The following PTPRZ1 variants were observed in gnomAD, a reference collection of about 807,000 sequenced individuals.
PTPRZ1 encodes the protein receptor-type tyrosine-protein phosphatase zeta.
Under a neutral mutation model 214.1 loss-of-function variants are expected in PTPRZ1, and 82 were observed. That is an observed-to-expected ratio of 0.38 (90% CI 0.32 to 0.46). PTPRZ1 has a LOEUF of 0.46. Ranked by LOEUF, PTPRZ1 falls within the 20% of genes least tolerant of loss-of-function variation. The pLI, the probability that PTPRZ1 is intolerant of heterozygous loss-of-function variation, is 1.00. For synonymous variants in PTPRZ1, 945 were observed against 987.9 expected (o/e 0.96, Z 0.81); for missense variants, 2,603 against 2,748.7 (o/e 0.95, Z 1.19).
At chr7:122,005,896 C>T (rs1391766452) in intron 11 of PTPRZ1, among the ~76,000 whole-genome samples, 2 of 151,932 alleles carry the variant, frequency 1.3e-5, no homozygotes, top group African/African-American at 2.4e-5. Flanking sequence ...ATTCCCATTA[C>T]CATGATTCAC....
At chr7:122,001,255 A>G (rs1798313730) in intron 10 of PTPRZ1, among the ~76,000 whole-genome samples, 1 of 152,174 alleles carries the variant, frequency 6.6e-6, no homozygotes, top group Non-Finnish European at 1.5e-5. Context: ...TTAAAAAGGA[A>G]TGTATATTCT....
chr7:122,013,290 G>A lies in PTPRZ1; in HGVS notation c.4244G>A (p.Gly1415Asp). The A allele has an allele frequency of 6.2e-7, 1 of 1,611,156 alleles. No individual in the cohort carries two copies. Among genetic ancestry groups the A allele is most frequent in the Non-Finnish European group, 8.5e-7 (1 of 1,179,458 alleles). ...AAATCTGATGCCGGTTTAGTGGGTG[G>A]TGGTGAAGATGGTGACACTGATGAT... Reference protein sequence around the residue: ...SAKSDAGLVGGGEDGDTDDDG... With the variant: ...SAKSDAGLVGDGEDGDTDDDG... Residue 1415 changes from glycine to aspartate, a missense_variant, in exon 12 of 30, where the codon GGT becomes GAT. Transcript: ENST00000393386.
intron 11 of PTPRZ1, among the ~76,000 whole-genome samples, chr7:122,008,328 T>C (rs1798552873): frequency 6.6e-6 from 1 of 152,080 alleles, no homozygotes; most frequent in African/African-American, 2.4e-5. Flanking sequence ...GGTTTTCCTT[T>C]GTGTTTCCTT....
At chr7:122,022,586 T>G (rs1799050618) in intron 13 of PTPRZ1, among the ~76,000 whole-genome samples, 1 of 152,188 alleles carries the variant, frequency 6.6e-6, no homozygotes, top group African/African-American at 2.4e-5. Context: ...TGATTTGCAA[T>G]TATTTTTTCC....
chr7:121,932,144 A>G (rs994903195), intron 2 of PTPRZ1, among the ~76,000 whole-genome samples: 1 of 152,186 alleles, frequency 6.6e-6, no homozygotes, highest in Admixed American at 6.5e-5. Context: ...GAGATGACAT[A>G]ATTATTTTGT....
intron 1 of PTPRZ1, among the ~76,000 whole-genome samples, chr7:121,891,266 T>C (rs1794598469): frequency 6.6e-6 from 1 of 152,042 alleles, no homozygotes. Flanking sequence ...TCTTCCCCTC[T>C]TTATTTTTCT....
Position 121,879,684 on chromosome 7 carries a change from A to G in PTPRZ1, c.58+6127A>G, listed in dbSNP as rs186066199. ...GAATGGGACATGGGATCAGTTAAAA[A>G]TCTTCATAGGAGTCAAAAGCAGAAA... is the stretch of plus-strand genomic sequence containing the variant. On this transcript the variant is annotated intron_variant, in intron 1 of 29. Coordinates refer to ENST00000393386, the MANE Select transcript of PTPRZ1 (RefSeq NM_002851.3). 2.1e-3 allele frequency among the ~76,000 whole-genome samples: 314 copies of G among 152,268 alleles called. 2 individuals carry two copies. The highest frequency in any genetic ancestry group is 7.2e-3 in the African/African-American group (299 of 41,558).
chr7:122,026,447 A>G (rs1009458395), intron 13 of PTPRZ1, among the ~76,000 whole-genome samples: 2 of 152,222 alleles, frequency 1.3e-5, no homozygotes, highest in African/African-American at 4.8e-5. Context: ...TCAATATGTC[A>G]GAATATGCTC....
intron 23 of PTPRZ1, among the ~76,000 whole-genome samples, chr7:122,051,168 GA>G (rs1792169470): frequency 6.6e-6 from 1 of 152,140 alleles, no homozygotes; most frequent in Admixed American, 6.6e-5. Context: ...AAGCCGTGAG[GA>G]AGATTATCTC....
chr7:121,972,733 A>G, intron 4 of PTPRZ1, 41 bp downstream of exon 4: 2 of 1,396,872 alleles, frequency 1.4e-6, no homozygotes, highest in East Asian at 2.5e-5. Context: ...TATTTTCTAA[A>G]TAATTGATGT....
At chr7:122,036,485 A>G in intron 17 of PTPRZ1, 115 bp from the exon 18 acceptor site, 1 of 723,390 alleles carries the variant, frequency 1.4e-6, no homozygotes, top group Non-Finnish European at 2.3e-6. Context: ...ATGAAAGTAA[A>G]TGATTGCTTG....
At chr7:122,051,016 A>T (rs969156740) in intron 23 of PTPRZ1, among the ~76,000 whole-genome samples, 2 of 152,198 alleles carry the variant, frequency 1.3e-5, no homozygotes, top group African/African-American at 4.8e-5. Flanking sequence ...TAGATTATTC[A>T]TGTAATGGAG....
chr7:121,966,182 G>C (rs112311917), intron 2 of PTPRZ1, among the ~76,000 whole-genome samples: 49 of 152,332 alleles, frequency 3.2e-4, no homozygotes, highest in African/African-American at 1.1e-3. Flanking sequence ...AAAGAGTTCA[G>C]TTTGTGATAT....
intron 6 of PTPRZ1, among the ~76,000 whole-genome samples, chr7:121,978,110 A>G (rs1797498021): frequency 6.6e-6 from 1 of 152,190 alleles, no homozygotes; most frequent in Non-Finnish European, 1.5e-5. Flanking sequence ...CATGTTCTTT[A>G]AAATTTCCTT....
At chr7:121,986,371 T>G (rs1462998336) in intron 8 of PTPRZ1, among the ~76,000 whole-genome samples, 1 of 152,196 alleles carries the variant, frequency 6.6e-6, no homozygotes, top group Non-Finnish European at 1.5e-5. Flanking sequence ...CCACTGTACT[T>G]GACATTTATA....
chr7:122,032,933 A>G (rs1296900428), intron 15 of PTPRZ1, among the ~76,000 whole-genome samples: 1 of 152,142 alleles, frequency 6.6e-6, no homozygotes, highest in East Asian at 1.9e-4. Context: ...TGTTAACTCA[A>G]TGTTAATTTT....
intron 1 of PTPRZ1, among the ~76,000 whole-genome samples, chr7:121,882,569 A>G (rs185194211): frequency 1.2e-4 from 19 of 152,186 alleles, no homozygotes; most frequent in Admixed American, 5.9e-4. Flanking sequence ...GGTAGGATTT[A>G]CAATGGCCAA....
chr7:121,904,395 T>C (rs931542830), intron 1 of PTPRZ1, among the ~76,000 whole-genome samples: 1 of 152,176 alleles, frequency 6.6e-6, no homozygotes, highest in African/African-American at 2.4e-5. Context: ...CAGGGAGCTG[T>C]GCAGTGGGGG....
At chr7:122,045,356 G>T (rs1344771755) in intron 23 of PTPRZ1, among the ~76,000 whole-genome samples, 1 of 152,096 alleles carries the variant, frequency 6.6e-6, no homozygotes, top group Non-Finnish European at 1.5e-5. Flanking sequence ...AAAAACCCAG[G>T]AGAGTTAACA....
Sources: allele counts gnomAD v4.1 joint callset (sites outside exome capture counted in the v4.1 genomes callset), GRCh38; gene constraint gnomAD v4.1.1; transcripts MANE v1.5; gene names NCBI Gene and HGNC (gene_info 2026-07-23, HGNC 2026-07-21).